Variants in PRKN observed in about 807,000 individuals in gnomAD.
PRKN encodes the protein E3 ubiquitin-protein ligase parkin.
PRKN carries 56 observed loss-of-function variants against 59.5 expected under a neutral mutation model. The ratio of observed to expected loss-of-function variants is 0.94; its 90% confidence interval spans 0.76 to 1.18. PRKN has a LOEUF of 1.18. PRKN is among the 50% of genes most tolerant of loss of function. The pLI, the probability that PRKN is intolerant of heterozygous loss-of-function variation, is 0.00. For missense variants in PRKN, 657 were observed against 596.4 expected (o/e 1.10, Z -1.06); for synonymous variants, 250 against 222.1 (o/e 1.13, Z -1.12).
intron 1 of PRKN, among the ~76,000 whole-genome samples, chr6:162,592,452 G>T (rs116853595): frequency 0.013 from 2,026 of 152,232 alleles, 18 homozygotes; most frequent in Non-Finnish European, 0.022. Flanking sequence ...TGAATATCTG[G>T]TTACTTGTCC....
intron 9 of PRKN, among the ~76,000 whole-genome samples, chr6:161,510,342 T>C (rs1020407691): frequency 6.6e-6 from 1 of 151,722 alleles, no homozygotes; most frequent in African/African-American, 2.4e-5. Flanking sequence ...TGAGGCATCG[T>C]GAAGTGTGAC....
At chr6:161,832,623 CAAA>C (rs529969845) in intron 6 of PRKN, among the ~76,000 whole-genome samples, 82 of 75,196 alleles carry the variant, frequency 1.1e-3, no homozygotes, top group Admixed American at 1.9e-3. Flanking sequence ...GATTCCATCT[CAAA>C]AAAAAAAAAA....
intron 2 of PRKN, among the ~76,000 whole-genome samples, chr6:162,317,279 C>G (rs1461001736): frequency 6.6e-6 from 1 of 152,018 alleles, no homozygotes; most frequent in Non-Finnish European, 1.5e-5. Context: ...TTCCCCGATA[C>G]TGTTCCCATG....
At chr6:161,514,753 T>C (rs1356890590) in intron 9 of PRKN, among the ~76,000 whole-genome samples, 1 of 152,118 alleles carries the variant, frequency 6.6e-6, no homozygotes, top group Non-Finnish European at 1.5e-5. Flanking sequence ...ACTTTGTTGC[T>C]GTGGGAACCA....
At chr6:162,687,364 T>C (rs1777608128) in intron 1 of PRKN, among the ~76,000 whole-genome samples, 1 of 151,932 alleles carries the variant, frequency 6.6e-6, no homozygotes, top group Non-Finnish European at 1.5e-5. Flanking sequence ...TTTTGTATTT[T>C]TAGTGGAGAC....
Position 161,932,097 on chromosome 6 carries a change from G to A in PRKN, c.734+41205C>T, listed in dbSNP as rs58663080. Among the ~76,000 whole-genome samples, 659 of 151,852 alleles carry A rather than the reference G, an allele frequency of 4.3e-3. 3 individuals carry two copies. Among genetic ancestry groups the A allele is most frequent in the African/African-American group, 0.015 (627 of 41,446 alleles). On this transcript the variant is annotated intron_variant, in intron 6 of 11. Transcript: ENST00000366898. ...AATAAACTTCTAATCCTTTAAATAT[G>A]TTAGATTAAAATATTTTTATTATAA...
At chr6:161,916,439 A>G (rs570228443) in intron 6 of PRKN, among the ~76,000 whole-genome samples, 2 of 152,364 alleles carry the variant, frequency 1.3e-5, no homozygotes, top group East Asian at 3.9e-4. Context: ...AAAAATATTA[A>G]GTAGAAAAAT....
chr6:161,923,169 CA>C (rs1364353206), intron 6 of PRKN, among the ~76,000 whole-genome samples: 23 of 152,322 alleles, frequency 1.5e-4, no homozygotes, highest in African/African-American at 5.3e-4. Flanking sequence ...AGTGAATCCC[CA>C]TCACACATAT....
chr6:162,172,377 T>C (rs1583147815), intron 4 of PRKN, among the ~76,000 whole-genome samples: 1 of 151,900 alleles, frequency 6.6e-6, no homozygotes, highest in African/African-American at 2.4e-5. Flanking sequence ...CAGCCAAGAG[T>C]GATGTTCCAT....
intron 6 of PRKN, among the ~76,000 whole-genome samples, chr6:161,955,812 T>G (rs575750560): frequency 6.6e-6 from 1 of 152,128 alleles, no homozygotes; most frequent in Non-Finnish European, 1.5e-5. Context: ...ATCACACCAT[T>G]GCACTCCAGC....
rs149420855 is a variant in PRKN, at chr6:161,475,432, G to A, written c.1083+73422C>T. On this transcript the variant is annotated intron_variant, in intron 9 of 11. Coordinates refer to ENST00000366898, the MANE Select transcript of PRKN (RefSeq NM_004562.3). The surrounding 1 kb of genome is among the most constrained non-coding windows in gnomAD (Gnocchi z 5.3). Reference sequence around the variant, plus strand: ...ACTCAGCAAAAATGTTCTTTGCACTGGTATTTCTTTAAACAATAAAGTTTT... The same window carrying A: ...ACTCAGCAAAAATGTTCTTTGCACTAGTATTTCTTTAAACAATAAAGTTTT... Among the ~76,000 whole-genome samples the A allele has an allele frequency of 4.5e-3, 686 of 152,186 alleles. 3 individuals are homozygous for A. Among genetic ancestry groups the A allele is most frequent in the African/African-American group, 0.015 (639 of 41,516 alleles).
At chr6:162,261,360 G>T (rs1779878269) in intron 3 of PRKN, among the ~76,000 whole-genome samples, 1 of 152,110 alleles carries the variant, frequency 6.6e-6, no homozygotes, top group African/African-American at 2.4e-5. Context: ...ATATTTTGGG[G>T]TGGCATATTC....
intron 7 of PRKN, among the ~76,000 whole-genome samples, chr6:161,734,873 C>G (rs1227469552): frequency 6.6e-6 from 1 of 152,024 alleles, no homozygotes; most frequent in Non-Finnish European, 1.5e-5. Context: ...GATGACGCAC[C>G]TAACAGAAAT....
At chr6:161,794,310 A>G (rs867523428) in intron 6 of PRKN, among the ~76,000 whole-genome samples, 2 of 152,212 alleles carry the variant, frequency 1.3e-5, no homozygotes, top group African/African-American at 4.8e-5. Context: ...TTGAGTCAAG[A>G]TTTAGGAGTG....
At chr6:161,887,278 T>C (rs1161447946) in intron 6 of PRKN, among the ~76,000 whole-genome samples, 2 of 149,688 alleles carry the variant, frequency 1.3e-5, no homozygotes, top group Non-Finnish European at 2.9e-5. Flanking sequence ...TGGAAGAGTA[T>C]TCACTCAATG....
rs755147333 is a variant in PRKN, at chr6:161,483,631, C to T, written c.1083+65223G>A. On this transcript the variant is annotated intron_variant, in intron 9 of 11. Coordinates refer to ENST00000366898, the MANE Select transcript of PRKN (RefSeq NM_004562.3). This position sits in a 1 kb window ranked among gnomAD's most constrained non-coding sequence, Gnocchi z 5.0. Reference sequence around the variant, plus strand: ...AAAGGTGACATCTACATTAATGCCCCTCATCCCCAATAGAGAGCACATTGG... The same window carrying T: ...AAAGGTGACATCTACATTAATGCCCTTCATCCCCAATAGAGAGCACATTGG... Among the ~76,000 whole-genome samples the T allele has an allele frequency of 7.2e-5, 11 of 152,152 alleles. No homozygotes were observed. The highest frequency in any genetic ancestry group is 1.2e-4 in the Non-Finnish European group (8 of 68,034).
chr6:161,962,288 G>T (rs1401494745), intron 6 of PRKN, among the ~76,000 whole-genome samples: 1 of 152,134 alleles, frequency 6.6e-6, no homozygotes, highest in African/African-American at 2.4e-5. Context: ...CTGAAGATAT[G>T]AACTGGCACA....
At chr6:161,822,623 C>T (rs1045544332) in intron 6 of PRKN, among the ~76,000 whole-genome samples, 1 of 152,120 alleles carries the variant, frequency 6.6e-6, no homozygotes, top group Admixed American at 6.5e-5. Context: ...TTGCAGTGAG[C>T]CGAGGTTGCA....
chr6:162,251,629 C>T (rs1390110513), intron 3 of PRKN, among the ~76,000 whole-genome samples: 1 of 152,166 alleles, frequency 6.6e-6, no homozygotes, highest in Admixed American at 6.5e-5. Flanking sequence ...GTCACAATCC[C>T]ATCACAAGAA....
Sources: gnomAD v4.1 joint callset for allele counts (sites outside exome capture counted in the v4.1 genomes callset) on GRCh38, gnomAD v4.1.1 for gene constraint, Gnocchi (gnomAD v3.1) non-coding constraint, MANE v1.5 for transcripts, NCBI Gene and HGNC (gene_info 2026-07-23, HGNC 2026-07-21) for gene names.